The following NBEA variants were observed in gnomAD, a reference collection of about 807,000 sequenced individuals.
NBEA encodes neurobeachin, also known as lysosomal-trafficking regulator 2.
A neutral mutation model predicts 343.4 loss-of-function variants in NBEA; 44 were observed. That is an observed-to-expected ratio of 0.13 (90% CI 0.10 to 0.16). The LOEUF is 0.16. Among genes scored for constraint, NBEA ranks in the 10% least tolerant of loss-of-function variants. The pLI, the probability that NBEA is intolerant of heterozygous loss-of-function variation, is 1.00. For missense variants in NBEA, 2,555 were observed against 3,631.3 expected, an observed-to-expected ratio of 0.70 and a Z score of 7.62; for synonymous variants, 1,175 against 1,238.7, an observed-to-expected ratio of 0.95 and a Z score of 1.08.
intron 33 of NBEA, among the ~76,000 whole-genome samples, chr13:35,225,346 C>G (rs1233528058): frequency 2.0e-5 from 3 of 152,046 alleles, no homozygotes; most frequent in Admixed American, 2.0e-4. Flanking sequence ...TGTTCCTTTC[C>G]TCCAGCTGCA....
At chr13:35,362,485 A>G (rs1043146838) in intron 38 of NBEA, among the ~76,000 whole-genome samples, 1 of 151,954 alleles carries the variant, frequency 6.6e-6, no homozygotes, top group African/African-American at 2.4e-5. Flanking sequence ...GGTTTTACCT[A>G]GAAATGTGCT....
chr13:35,425,160 T>C (rs2044570521), intron 38 of NBEA, among the ~76,000 whole-genome samples: 1 of 152,228 alleles, frequency 6.6e-6, no homozygotes, highest in Admixed American at 6.5e-5. Context: ...AGTTCTGCTC[T>C]AATCTTAGTT....
At chr13:35,264,232 G>T (rs1211028362) in intron 34 of NBEA, among the ~76,000 whole-genome samples, 2 of 151,566 alleles carry the variant, frequency 1.3e-5, no homozygotes, top group African/African-American at 4.8e-5. Flanking sequence ...AATCTGAACA[G>T]ATCAATAATG....
intron 40 of NBEA, among the ~76,000 whole-genome samples, chr13:35,467,140 G>A (rs576529493): frequency 1.2e-3 from 178 of 152,168 alleles, no homozygotes; most frequent in African/African-American, 4.1e-3. Flanking sequence ...TTCTATGGGG[G>A]AGAATGTTTT....
intron 7 of NBEA, among the ~76,000 whole-genome samples, chr13:35,056,525 A>G (rs1054668322): frequency 1.3e-5 from 2 of 152,124 alleles, no homozygotes; most frequent in Non-Finnish European, 2.9e-5. Flanking sequence ...TAAATTGGGG[A>G]TACAGGAAGT....
intron 38 of NBEA, among the ~76,000 whole-genome samples, chr13:35,366,004 A>T (rs912839634): frequency 1.3e-5 from 2 of 151,634 alleles, no homozygotes; most frequent in African/African-American, 4.8e-5. Flanking sequence ...CCATTGCCCT[A>T]GAGTGCTGTA....
At chr13:35,563,771 A>G (rs2079998516) in intron 44 of NBEA, among the ~76,000 whole-genome samples, 1 of 152,110 alleles carries the variant, frequency 6.6e-6, no homozygotes, top group African/African-American at 2.4e-5. Context: ...GGACAGAATA[A>G]TAGACATGAA....
chr13:35,600,573 G>GGTCTC (rs2082002308), intron 47 of NBEA, among the ~76,000 whole-genome samples: 1 of 152,086 alleles, frequency 6.6e-6, no homozygotes, highest in African/African-American at 2.4e-5. Context: ...ATAGCTTCTA[G>GGTCTC]AATATATTTT....
At chr13:35,636,692 G>A (rs914646199) in intron 49 of NBEA, among the ~76,000 whole-genome samples, 1 of 152,092 alleles carries the variant, frequency 6.6e-6, no homozygotes, top group Non-Finnish European at 1.5e-5. Context: ...TATTCAACCA[G>A]GGAAAATTTG....
intron 10 of NBEA, among the ~76,000 whole-genome samples, chr13:35,090,118 G>A (rs535619858): frequency 2.0e-4 from 30 of 151,066 alleles, no homozygotes; most frequent in Non-Finnish European, 3.3e-4. Context: ...GTCAGTGTAG[G>A]TTATATGATA....
chr13:35,277,237 A>G (rs1191109253), intron 34 of NBEA, among the ~76,000 whole-genome samples: 1 of 152,164 alleles, frequency 6.6e-6, no homozygotes, highest in Non-Finnish European at 1.5e-5. Flanking sequence ...GATGACATGC[A>G]GATCAGGTTT....
intron 1 of NBEA, among the ~76,000 whole-genome samples, chr13:35,030,773 C>A (rs1364990832): frequency 6.6e-6 from 1 of 151,492 alleles, no homozygotes; most frequent in African/African-American, 2.4e-5. Context: ...AAGCATAGGC[C>A]CATTACAACA....
At chr13:35,027,908 G>A (rs2062070789) in intron 1 of NBEA, among the ~76,000 whole-genome samples, 1 of 151,796 alleles carries the variant, frequency 6.6e-6, no homozygotes, top group Non-Finnish European at 1.5e-5. Context: ...ATAACCAGTT[G>A]CTCTGACATT....
At chr13:35,357,193 G>T (rs1378275225) in intron 38 of NBEA, among the ~76,000 whole-genome samples, 1 of 148,680 alleles carries the variant, frequency 6.7e-6, no homozygotes, top group Non-Finnish European at 1.5e-5. Context: ...TTTCCACATA[G>T]AATTTGAGCT....
chr13:34,954,022 T>C (rs1338499687), intron 1 of NBEA, among the ~76,000 whole-genome samples: 2 of 152,192 alleles, frequency 1.3e-5, no homozygotes, highest in Admixed American at 1.3e-4. Flanking sequence ...TGAACCCCCC[T>C]ATTCATGGAA....
At chr13:35,409,121 A>G (rs917370802) in intron 38 of NBEA, among the ~76,000 whole-genome samples, 1 of 152,180 alleles carries the variant, frequency 6.6e-6, no homozygotes, top group Non-Finnish European at 1.5e-5. Flanking sequence ...TAGCCTGGAT[A>G]AAGAAAATGT....
chr13:35,053,428 C>T (rs1285924944), intron 6 of NBEA, among the ~76,000 whole-genome samples: 1 of 151,994 alleles, frequency 6.6e-6, no homozygotes, highest in Non-Finnish European at 1.5e-5. Flanking sequence ...TCTTACAGTT[C>T]ATTTTATTCT....
chr13:35,432,505 G>C, intron 39 of NBEA, 112 bp downstream of exon 39: 1 of 980,878 alleles, frequency 1.0e-6, no homozygotes, highest in Non-Finnish European at 1.4e-6. Context: ...CATGTCTTGA[G>C]TCAGAAATAT....
intron 50 of NBEA, 69 bp downstream of exon 50, chr13:35,646,000 A>G: frequency 9.6e-7 from 1 of 1,046,508 alleles, no homozygotes; most frequent in Middle Eastern, 2.1e-4. Flanking sequence ...TTCACAGGTT[A>G]GATTTTCCAC....
Sources: allele counts gnomAD v4.1 joint callset (sites outside exome capture counted in the v4.1 genomes callset), GRCh38; gene constraint gnomAD v4.1.1; transcripts MANE v1.5; gene names NCBI Gene and HGNC (gene_info 2026-07-23, HGNC 2026-07-21).